The following MINDY3 variants were observed in gnomAD, a reference collection of about 807,000 sequenced individuals.
The protein encoded by MINDY3 is ubiquitin carboxyl-terminal hydrolase MINDY-3.
A neutral mutation model predicts 69.2 loss-of-function variants in MINDY3; 38 were observed. The ratio of observed to expected loss-of-function variants is 0.55; its 90% CI spans 0.42 to 0.72. The LOEUF (loss-of-function observed/expected upper bound fraction) is 0.72. Ranked by LOEUF, MINDY3 falls within the 30% of genes least tolerant of loss-of-function variation. The pLI is 0.00. For synonymous variants in MINDY3, 192 were observed against 180.1 expected, an observed-to-expected ratio of 1.07 and a Z score of -0.53; for missense variants, 522 against 519.0, an observed-to-expected ratio of 1.01 and a Z score of -0.06.
At chr10:15,822,534 A>G (rs924756564) in intron 8 of MINDY3, among the ~76,000 whole-genome samples, 3 of 152,232 alleles carry the variant, frequency 2.0e-5, no homozygotes, top group Admixed American at 6.5e-5. Context: ...AGAATTTGGC[A>G]AAGTTTCCTT....
intron 4 of MINDY3, among the ~76,000 whole-genome samples, chr10:15,839,451 C>G (rs1833311960): frequency 2.0e-5 from 3 of 151,620 alleles, no homozygotes; most frequent in Admixed American, 2.0e-4. Flanking sequence ...GGGGAAAACA[C>G]TTTACATTAA....
chr10:15,778,930 C>A lies in MINDY3; in HGVS notation c.*62G>T. ...TGTTTAGCTTAATCCAGCCAATTGC[C>A]AGTCTTGACTCCTTCTTTCAACATC... is the stretch of plus-strand genomic sequence containing the variant. On this transcript the variant is annotated 3_prime_UTR_variant, in exon 15 of 15. Coordinates refer to ENST00000277632, the MANE Select transcript of MINDY3 (RefSeq NM_024948.4). 6.8e-7 allele frequency: 1 copy of A among 1,469,326 alleles called. No individual in the cohort carries two copies. The highest frequency in any genetic ancestry group is 1.3e-5 in the South Asian group (1 of 78,864). 91.0% of individuals were successfully genotyped at this position (1,469,326 alleles called of 1,614,324 possible). A position where few individuals can be genotyped will look rare whatever the true frequency, so the allele number is the denominator to read the frequency against.
intron 9 of MINDY3, chr10:15,817,622 T>C (rs1012259181): frequency 1.3e-5 from 2 of 152,336 alleles, no homozygotes; most frequent in South Asian, 4.1e-4. Context: ...AATAGACTTA[T>C]GAAACCCAAC....
At chr10:15,837,603 T>C in intron 5 of MINDY3, 9 of 1,327,682 alleles carry the variant, frequency 6.8e-6, no homozygotes, top group Non-Finnish European at 8.9e-6. Flanking sequence ...TCTTCAATAA[T>C]ATACAGTTAT....
intron 12 of MINDY3, among the ~76,000 whole-genome samples, chr10:15,787,463 T>C (rs944062830): frequency 6.6e-6 from 1 of 152,120 alleles, no homozygotes; most frequent in African/African-American, 2.4e-5. Context: ...ATGCAAAGTG[T>C]TGTGTTTGGG....
intron 10 of MINDY3, among the ~76,000 whole-genome samples, chr10:15,815,685 G>A (rs1389491037): frequency 6.6e-6 from 1 of 152,160 alleles, no homozygotes; most frequent in Non-Finnish European, 1.5e-5. Context: ...TGATGATGAT[G>A]ACGATGACCA....
At chr10:15,851,268 G>A (rs1315835233) in intron 1 of MINDY3, among the ~76,000 whole-genome samples, 1 of 152,074 alleles carries the variant, frequency 6.6e-6, no homozygotes, top group Non-Finnish European at 1.5e-5. Context: ...TCTACTCCCA[G>A]ACAGTCCATT....
At chr10:15,809,597 TG>T (rs1280157172) in intron 10 of MINDY3, among the ~76,000 whole-genome samples, 1 of 152,104 alleles carries the variant, frequency 6.6e-6, no homozygotes, top group Non-Finnish European at 1.5e-5. Flanking sequence ...TTTCCCTCTT[TG>T]AAGAGGTCCA....
At chr10:15,788,661 T>A (rs1024776764) in intron 12 of MINDY3, among the ~76,000 whole-genome samples, 2 of 152,250 alleles carry the variant, frequency 1.3e-5, no homozygotes, top group African/African-American at 2.4e-5. Context: ...ACTAAAGATC[T>A]TAATCTACAG....
At position 15,778,775 on chromosome 10, in the gene MINDY3, A is replaced by T. The variant is rs1344421333; in HGVS notation, c.*217T>A. The stretch of plus-strand genomic sequence containing the variant: ...ACTTTGATGAAAGCTTAATTTTGCT[A>T]GTAAATTTCACACGAAGGGGTAAAA... On this transcript the variant is annotated 3_prime_UTR_variant, in exon 15 of 15. Coordinates refer to ENST00000277632, the MANE Select transcript of MINDY3 (RefSeq NM_024948.4). 4.9e-6 allele frequency: 2 copies of T among 404,312 alleles called. No homozygotes were observed. Among genetic ancestry groups the T allele is most frequent in the East Asian group, 7.8e-5 (2 of 25,520 alleles). 25.0% of individuals were successfully genotyped at this position (404,312 alleles called of 1,614,324 possible).
intron 10 of MINDY3, among the ~76,000 whole-genome samples, chr10:15,811,104 C>T (rs1178641947): frequency 6.6e-6 from 1 of 151,950 alleles, no homozygotes; most frequent in Non-Finnish European, 1.5e-5. Flanking sequence ...TGCAAATGAA[C>T]ACGGGCCACA....
chr10:15,797,815 T>A (rs1423672958), intron 10 of MINDY3, among the ~76,000 whole-genome samples: 1 of 152,168 alleles, frequency 6.6e-6, no homozygotes, highest in Non-Finnish European at 1.5e-5. Context: ...GGGTTATTAT[T>A]ATTCCTCAGT....
rs78551795 is a variant in MINDY3, at chr10:15,810,580, C to T, written c.882+6255G>A. 5.4e-3 allele frequency among the ~76,000 whole-genome samples: 821 copies of T among 152,272 alleles called. 11 individuals are homozygous for T. Among genetic ancestry groups the T allele is most frequent in the African/African-American group, 0.018 (734 of 41,554 alleles). Reference sequence around the variant, plus strand: ...CTTAAGCACACCTCCCGACCCCCAACTTATCAAGTAATAACATGGTCATCT... The same window carrying T: ...CTTAAGCACACCTCCCGACCCCCAATTTATCAAGTAATAACATGGTCATCT... On this transcript the variant is annotated intron_variant, in intron 10 of 14. Transcript: ENST00000277632.
At position 15,789,275 on chromosome 10, in the gene MINDY3, C is replaced by T; in HGVS notation, c.1000G>A (p.Ala334Thr). The T allele has an allele frequency of 6.2e-7, 1 of 1,611,628 alleles. No individual in the cohort carries two copies. The highest frequency in any genetic ancestry group is 8.5e-7 in the Non-Finnish European group (1 of 1,178,548). ...PDSLLEDVMK[A>T]LDLVSDPEYI... ...TCAGGATCTGAAACAAGGTCCAATGCTTTCATCACATCTTCCAGAAGTGAA... is the reference window on the plus strand; with the variant it reads ...TCAGGATCTGAAACAAGGTCCAATGTTTTCATCACATCTTCCAGAAGTGAA... The change falls in exon 12 of 15, where the codon GCA becomes ACA. Residue 334 changes from alanine to threonine, a missense_variant. By Grantham distance (58) the Ala-to-Thr change is moderately conservative. Transcript: ENST00000277632.
At chr10:15,789,608 G>C (rs1465885233) in intron 11 of MINDY3, among the ~76,000 whole-genome samples, 2 of 151,820 alleles carry the variant, frequency 1.3e-5, no homozygotes, top group African/African-American at 4.8e-5. Context: ...GCGTTAAGTG[G>C]GTAAAATATT....
In MINDY3 at chr10:15,816,201, C is replaced by T. The variant is rs542968903; in HGVS notation, c.882+634G>A. On this transcript the variant is annotated intron_variant, in intron 10 of 14. Transcript: ENST00000277632. ...GCTTGAACCCAGGAGACGTAGGTTG[C>T]AGTGAGGCGAGACTGTGACATTACA... 4.6e-4 allele frequency among the ~76,000 whole-genome samples: 60 copies of T among 131,810 alleles called. No homozygotes were observed. In the East Asian group the frequency reaches 0.013, roughly 29 times the overall value. The allele number at this position is 131,810 out of a possible 152,430, so 86.5% of individuals were successfully genotyped here.
chr10:15,816,850 G>A lies in MINDY3; in HGVS notation c.867C>T (p.Thr289=), dbSNP rs760457587. 1.6e-5 allele frequency: 25 copies of A among 1,612,352 alleles called. No homozygotes were observed. Among genetic ancestry groups the A allele is most frequent in the Non-Finnish European group, 2.0e-5 (23 of 1,179,082 alleles). Residue 289 remains threonine, a synonymous_variant, in exon 10 of 15, where the codon ACC becomes ACT. Coordinates refer to ENST00000277632, the MANE Select transcript of MINDY3 (RefSeq NM_024948.4). ...ATAAGCATACCTTGGCAAAAAATAC[G>A]GTGAGGTGAGTCTCACTGCCAACAA... ...IWIVGSETHL[T]VFFAKDMALV...
intron 10 of MINDY3, among the ~76,000 whole-genome samples, chr10:15,807,234 C>T (rs1838696194): frequency 6.6e-6 from 1 of 152,118 alleles, no homozygotes; most frequent in Non-Finnish European, 1.5e-5. Context: ...TACGTTCCAA[C>T]AGTACTTACC....
At chr10:15,811,226 C>T (rs1838974980) in intron 10 of MINDY3, among the ~76,000 whole-genome samples, 1 of 151,952 alleles carries the variant, frequency 6.6e-6, no homozygotes, top group Non-Finnish European at 1.5e-5. Flanking sequence ...CACAATAAAA[C>T]CGAAGTTGAA....
Sources: gnomAD v4.1 joint callset for allele counts (sites outside exome capture counted in the v4.1 genomes callset) on GRCh38, gnomAD v4.1.1 for gene constraint, MANE v1.5 for transcripts, NCBI Gene and HGNC (gene_info 2026-07-23, HGNC 2026-07-21) for gene names.